USP32: variants seen among roughly 807,000 people sequenced by gnomAD.
USP32 encodes the protein ubiquitin specific peptidase 32.
USP32 carries 59 observed loss-of-function variants against 204.8 expected under a neutral mutation model. That is an observed-to-expected ratio of 0.29 (90% confidence interval 0.23 to 0.36). The LOEUF is 0.36. USP32 is among the 10% of genes least tolerant of loss of function. The pLI is 1.00. For missense variants in USP32, 1,160 were observed against 1,946.4 expected (o/e 0.60, Z 7.60); for synonymous variants, 517 against 678.4 (o/e 0.76, Z 3.70).
In USP32 at chr17:60,220,044, C is replaced by T. The variant is rs780456497; in HGVS notation, c.1750-257G>A. 7.9e-4 allele frequency among the ~76,000 whole-genome samples: 119 copies of T among 150,726 alleles called. 2 individuals are homozygous for T. The highest frequency in any genetic ancestry group is 1.4e-3 in the Non-Finnish European group (95 of 67,594). On this transcript the variant is annotated intron_variant, in intron 15 of 33. Coordinates refer to ENST00000300896, the MANE Select transcript of USP32 (RefSeq NM_032582.4). Reference sequence around the variant, plus strand: ...TTTTATTTAAAAGCAAGTAACAACACTGAGGAAAAAAAAAAACCCTAAGTA... The same window carrying T: ...TTTTATTTAAAAGCAAGTAACAACATTGAGGAAAAAAAAAAACCCTAAGTA...
At chr17:60,231,386 G>A in intron 12 of USP32, 2 of 308,842 alleles carry the variant, frequency 6.5e-6, no homozygotes, top group South Asian at 2.7e-5. Flanking sequence ...GCTCTAGAGT[G>A]CTAGATAAAG....
At chr17:60,271,548 G>T in intron 5 of USP32, 67 bp from the exon 6 acceptor site, 1 of 1,490,542 alleles carries the variant, frequency 6.7e-7, no homozygotes, top group Non-Finnish European at 9.1e-7. Flanking sequence ...AGTTCATCCT[G>T]ATAATATATC....
At position 60,345,667 on chromosome 17, in the gene USP32, A is replaced by C. The variant is rs532689636; in HGVS notation, c.59-59T>G. On this transcript the variant is annotated intron_variant, in intron 1 of 33. Coordinates refer to ENST00000300896, the MANE Select transcript of USP32 (RefSeq NM_032582.4). ...CAGGAGAGAAAAGAGGTGTCTCATA[A>C]TTTTTTTCAACCTGGCTCCTAAGAA... 1.1e-4 allele frequency: 171 copies of C among 1,608,722 alleles called. 3 individuals carry two copies. In the African/African-American group the frequency reaches 2.0e-3, roughly 19 times the overall value.
intron 1 of USP32, among the ~76,000 whole-genome samples, chr17:60,397,389 G>GTC (rs1448741452): frequency 6.6e-6 from 1 of 152,078 alleles, no homozygotes; most frequent in African/African-American, 2.4e-5. Context: ...AAGACACAGC[G>GTC]TCTCTCTCTA....
chr17:60,303,260 G>GAAAAAC (rs2087631846), intron 2 of USP32, among the ~76,000 whole-genome samples: 1 of 151,938 alleles, frequency 6.6e-6, no homozygotes, highest in South Asian at 2.1e-4. Context: ...AAATAACAGG[G>GAAAAAC]AAAAACAAAA....
intron 10 of USP32, among the ~76,000 whole-genome samples, chr17:60,253,327 A>G (rs2145715083): frequency 1.3e-5 from 2 of 152,276 alleles, no homozygotes; most frequent in Middle Eastern, 6.8e-3. Context: ...CATGAGCAAT[A>G]CATTGAATGT....
chr17:60,249,992 A>C (rs1414680545), intron 11 of USP32, among the ~76,000 whole-genome samples: 2 of 152,232 alleles, frequency 1.3e-5, no homozygotes, highest in African/African-American at 4.8e-5. Flanking sequence ...AGGCAAAATA[A>C]AATAAAACTG....
At chr17:60,286,868 CTGGGTG>C (rs1235847021) in intron 5 of USP32, among the ~76,000 whole-genome samples, 1 of 152,188 alleles carries the variant, frequency 6.6e-6, no homozygotes, top group East Asian at 1.9e-4. Context: ...TCTTCCCAGC[CTGGGTG>C]TGGTGGCTCA....
At chr17:60,212,895 A>AG (rs2085008629) in intron 18 of USP32, among the ~76,000 whole-genome samples, 1 of 152,026 alleles carries the variant, frequency 6.6e-6, no homozygotes, top group South Asian at 2.1e-4. Context: ...CTGGGACTAC[A>AG]GGCACGTGCC....
chr17:60,237,749 A>G (rs1176503145), intron 11 of USP32, among the ~76,000 whole-genome samples: 1 of 152,268 alleles, frequency 6.6e-6, no homozygotes, highest in African/African-American at 2.4e-5. Context: ...ATGTTGTAGT[A>G]TGTATCAGTA....
chr17:60,276,562 G>C lies in USP32; in HGVS notation c.572-5081C>G, dbSNP rs896103840. ...ACAAAAGGAAGATAGCAGTCTTGAC[G>C]ATAGAAACTGTTCTTATTTCTATAC... On this transcript the variant is annotated intron_variant, in intron 5 of 33. Transcript: ENST00000300896. 2.0e-5 allele frequency among the ~76,000 whole-genome samples: 3 copies of C among 152,094 alleles called. No individual in the cohort carries two copies. The East Asian group carries it at 5.8e-4, about 29-fold the overall frequency.
chr17:60,402,193 C>G (rs1427628472), intron 1 of USP32, among the ~76,000 whole-genome samples: 2 of 151,654 alleles, frequency 1.3e-5, no homozygotes, highest in Non-Finnish European at 2.9e-5. Flanking sequence ...AAAGAGAAAG[C>G]CTGGTAGGGG....
At chr17:60,396,878 T>C (rs1484670314), upstream of USP32, among the ~76,000 whole-genome samples, 1 of 152,246 alleles carries the variant, frequency 6.6e-6, no homozygotes, top group East Asian at 1.9e-4. Context: ...CCTTCTCTAC[T>C]CCAACTGCAA....
At chr17:60,323,508 C>G (rs2088161153) in intron 2 of USP32, among the ~76,000 whole-genome samples, 1 of 152,070 alleles carries the variant, frequency 6.6e-6, no homozygotes, top group Non-Finnish European at 1.5e-5. Context: ...AGTAAGGTTT[C>G]TTTTTGGGGA....
At chr17:60,414,201 A>G (rs576171653) in intron 1 of USP32, among the ~76,000 whole-genome samples, 1 of 151,820 alleles carries the variant, frequency 6.6e-6, no homozygotes, top group South Asian at 2.1e-4. Context: ...CATCTCTACT[A>G]AAAATACAAA....
chr17:60,200,654 C>G (rs1274639303), intron 26 of USP32, among the ~76,000 whole-genome samples: 1 of 152,170 alleles, frequency 6.6e-6, no homozygotes, highest in Non-Finnish European at 1.5e-5. Context: ...AGCGAACACT[C>G]AAAAGCCTCC....
At chr17:60,306,514 T>C (rs754445695) in intron 2 of USP32, among the ~76,000 whole-genome samples, 4 of 151,918 alleles carry the variant, frequency 2.6e-5, no homozygotes, top group Non-Finnish European at 4.4e-5. Flanking sequence ...GGTGGGCGCC[T>C]ATAATCCCAG....
intron 1 of USP32, among the ~76,000 whole-genome samples, chr17:60,359,048 T>C (rs1417427480): frequency 6.6e-6 from 1 of 152,198 alleles, no homozygotes; most frequent in East Asian, 1.9e-4. Context: ...ACTGCTACTG[T>C]CCTTGCAGTG....
chr17:60,256,551 G>A (rs1295174395), intron 9 of USP32: 1 of 298,126 alleles, frequency 3.4e-6, no homozygotes, highest in East Asian at 1.7e-4. Context: ...CACTATCTGT[G>A]TGGAGTTTGC....
Sources: allele counts gnomAD v4.1 joint callset (sites outside exome capture counted in the v4.1 genomes callset), GRCh38; gene constraint gnomAD v4.1.1; transcripts MANE v1.5; gene names NCBI Gene and HGNC (gene_info 2026-07-23, HGNC 2026-07-21).